The following GCNT4 variants were observed in gnomAD, a reference collection of about 807,000 sequenced individuals.
The protein encoded by GCNT4 is beta-1,3-galactosyl-O-glycosyl-glycoprotein beta-1,6-N-acetylglucosaminyltransferase 4.
In GCNT4, 17 loss-of-function variants were observed where a neutral mutation model predicts 31.3. That is an observed-to-expected ratio of 0.54 (90% CI 0.37 to 0.81). GCNT4 has a LOEUF of 0.81. GCNT4 is among the 40% of genes least tolerant of loss of function. The pLI is 0.00. For missense variants in GCNT4, 503 were observed against 525.5 expected (o/e 0.96, Z 0.42); for synonymous variants, 158 against 190.6 (o/e 0.83, Z 1.41).
At chr5:75,018,351 G>A in the GCNT4 span, among the ~76,000 whole-genome samples, 4 of 152,120 alleles carry the variant, frequency 2.6e-5, no homozygotes, top group African/African-American at 9.6e-5. Flanking sequence ...GCATGATCTC[G>A]GCTCACTGCA....
At chr5:75,034,960 A>C (rs1743162822) in intron 3 of GCNT4, among the ~76,000 whole-genome samples, 1 of 133,602 alleles carries the variant, frequency 7.5e-6, no homozygotes, top group Admixed American at 7.3e-5. Context: ...ACACGACCGC[A>C]TTCAGGGACA....
chr5:75,053,571 G>A (rs976322436), upstream of GCNT4, among the ~76,000 whole-genome samples: 1 of 152,086 alleles, frequency 6.6e-6, no homozygotes, highest in East Asian at 1.9e-4. Context: ...AGGCCGCCCC[G>A]GCGGGGGCCG....
rs1387445019 is a variant in GCNT4 at position 75,027,335 on chromosome 5, A to ATATGTATATATAATAGATATT, written c.*1340_*1341insAATATCTATTATATATACATA. The ATATGTATATATAATAGATATT allele has an allele frequency of 2.0e-5, 1 of 50,464 alleles. No individual in the cohort carries two copies. The highest frequency in any genetic ancestry group is 7.5e-5 in the African/African-American group (1 of 13,372). 3.1% of individuals were successfully genotyped at this position (50,464 alleles called of 1,614,324 possible). ...ATGTATATATAATATATATTCATATACAATATATGTATATATAATATATAT... is the reference window on the plus strand; with the variant it reads ...ATGTATATATAATATATATTCATATATATGTATATATAATAGATATTCAATATATGTATATATAATATATAT... On this transcript the variant is annotated 3_prime_UTR_variant, in exon 4 of 4. Coordinates refer to ENST00000652361, the MANE Select transcript of GCNT4 (RefSeq NM_001366737.1).
chr5:75,039,527 A>G (rs1743272434), intron 3 of GCNT4, among the ~76,000 whole-genome samples: 1 of 152,236 alleles, frequency 6.6e-6, no homozygotes. Context: ...AACTTACCTT[A>G]GTTCATATAG....
rs1742930562 is a variant in GCNT4, at chr5:75,025,383, G to C, written c.*3293C>G. 1 of 152,152 alleles carries C rather than the reference G, an allele frequency of 6.6e-6. No individual in the cohort carries two copies. Among genetic ancestry groups the C allele is most frequent in the Non-Finnish European group, 1.5e-5 (1 of 68,034 alleles). 9.4% of individuals were successfully genotyped at this position (152,152 alleles called of 1,614,324 possible). A position where few individuals can be genotyped will look rare whatever the true frequency, so the allele number is the denominator to read the frequency against. ...GAGCACATTTTATTTTACAATACCA[G>C]AGAATCAACATCTAGTAGTAGCATA... On this transcript the variant is annotated 3_prime_UTR_variant, in exon 4 of 4. Transcript: ENST00000652361.
downstream of GCNT4, chr5:75,025,200 T>C (rs896773807): frequency 6.6e-6 from 1 of 152,214 alleles, no homozygotes; most frequent in Non-Finnish European, 1.5e-5. Flanking sequence ...TGTGCCTATA[T>C]TGTGTATAAT....
intron 2 of GCNT4, among the ~76,000 whole-genome samples, chr5:75,049,557 T>G (rs967710430): frequency 2.6e-5 from 4 of 152,168 alleles, no homozygotes; most frequent in African/African-American, 9.7e-5. Context: ...ACTAGGAAAA[T>G]TACAAGCATA....
chr5:75,029,402 G>A lies in GCNT4; in HGVS notation c.636C>T (p.Asp212=), dbSNP rs1743012363. The A allele has an allele frequency of 1.2e-6, 2 of 1,614,160 alleles. No individual in the cohort carries two copies. The highest frequency in any genetic ancestry group is 2.2e-5 in the South Asian group (2 of 91,078). ...TCCACTGGATTGAAGACTTCAGAAG[G>A]TCCGACAAGCAATTTAAATCAGCCT... is the stretch of plus-strand genomic sequence containing the variant. ...RLQADLNCLS[D]LLKSSIQWKY... is the part of the protein sequence containing the mutation. Residue 212 remains aspartate, a synonymous_variant, in exon 4 of 4, where the codon GAC becomes GAT. Transcript: ENST00000652361.
Position 75,029,310 on chromosome 5 carries a change from A to AATGG in GCNT4, c.727_728insCCAT (p.Leu243SerfsTer20). On this transcript the variant is annotated frameshift_variant, in exon 4 of 4. Transcript: ENST00000652361. LOFTEE classifies it high-confidence loss of function. ...CATATTTGCTCCATTGAGTTTTTTC[A>AATGG]ACTCTGACACCAATTCAAAATTTGA... 1 of 1,614,070 alleles carries AATGG rather than the reference A, an allele frequency of 6.2e-7. No homozygotes were observed. The highest frequency in any genetic ancestry group is 1.3e-5 in the African/African-American group (1 of 75,038).
chr5:75,053,970 C>T (rs1353058578), upstream of GCNT4, among the ~76,000 whole-genome samples: 2 of 152,116 alleles, frequency 1.3e-5, no homozygotes, highest in Non-Finnish European at 2.9e-5. Flanking sequence ...CTTTTTTCTC[C>T]TTGAACGCCG....
Position 75,028,881 on chromosome 5 carries a change from T to A in GCNT4, c.1157A>T (p.His386Leu). ...GFFYPSCTGS[H>L]LRSVCIYGAA... ...TCCATAAATACACACGCTTCGAAGGTGAGATCCAGTACAACTGGGATAGAA... is the reference window on the plus strand; with the variant it reads ...TCCATAAATACACACGCTTCGAAGGAGAGATCCAGTACAACTGGGATAGAA... The change falls in exon 4 of 4, where the codon CAC becomes CTC. Residue 386 changes from histidine to leucine, a missense_variant. By Grantham distance (99) the His-to-Leu change is moderately conservative (BLOSUM62 -3). Transcript: ENST00000652361. 1.9e-6 allele frequency: 3 copies of A among 1,613,998 alleles called. No individual in the cohort carries two copies. Among genetic ancestry groups the A allele is most frequent in the Non-Finnish European group, 2.5e-6 (3 of 1,179,976 alleles).
intron 3 of GCNT4, among the ~76,000 whole-genome samples, chr5:75,031,286 G>A (rs1004069509): frequency 1.3e-5 from 2 of 152,114 alleles, no homozygotes; most frequent in African/African-American, 4.8e-5. Context: ...TGCCCAGGCT[G>A]GTCGTGAACA....
chr5:75,047,190 T>C (rs1743461040), intron 3 of GCNT4, among the ~76,000 whole-genome samples: 1 of 152,190 alleles, frequency 6.6e-6, no homozygotes, highest in African/African-American at 2.4e-5. Flanking sequence ...TTAAATAAAT[T>C]TGTGTGCTTG....
intron 3 of GCNT4, among the ~76,000 whole-genome samples, chr5:75,033,349 C>A (rs1483588278): frequency 1.3e-5 from 2 of 152,154 alleles, no homozygotes; most frequent in Non-Finnish European, 2.9e-5. Context: ...TAGAAGCTCA[C>A]AGGACATCCA....
In GCNT4 at chr5:75,027,925, A is replaced by G. The variant is rs971590194; in HGVS notation, c.*751T>C. ...AAACAGTTGAACTAAAAAGGAGGCC[A>G]TTCATGATACTGTTTTGTAACATGA... On this transcript the variant is annotated 3_prime_UTR_variant, in exon 4 of 4. Coordinates refer to ENST00000652361, the MANE Select transcript of GCNT4 (RefSeq NM_001366737.1). The G allele has an allele frequency of 6.8e-6, 1 of 146,096 alleles. No individual in the cohort carries two copies. Among genetic ancestry groups the G allele is most frequent in the African/African-American group, 2.8e-5 (1 of 35,348 alleles). The allele number at this position is 146,096 out of a possible 1,614,324, so 9.0% of individuals were successfully genotyped here. A position where few individuals can be genotyped will look rare whatever the true frequency, so the allele number is the denominator to read the frequency against.
Position 75,029,933 on chromosome 5 carries a change from T to A in GCNT4, c.105A>T (p.Arg35Ser), listed in dbSNP as rs1743026270. The change falls in exon 4 of 4, where the codon AGA becomes AGT. Residue 35 changes from arginine (R) to serine (S), a missense_variant. Physicochemically the swap from Arg to Ser is moderately radical, Grantham distance 110. Coordinates refer to ENST00000652361, the MANE Select transcript of GCNT4 (RefSeq NM_001366737.1). The stretch of plus-strand genomic sequence containing the variant: ...AAATGTCTTTTTGCGGAAAGAGTCG[T>A]CTCACATTTAGAAGCTTTAACAAAG... ...LLSLLKLLNV[R>S]RLFPQKDIYL... The A allele has an allele frequency of 6.2e-7, 1 of 1,614,148 alleles. No individual in the cohort carries two copies. Among genetic ancestry groups the A allele is most frequent in the Admixed American group, 1.7e-5 (1 of 60,028 alleles).
chr5:75,042,036 A>C (rs1030085324), intron 3 of GCNT4, among the ~76,000 whole-genome samples: 1 of 152,218 alleles, frequency 6.6e-6, no homozygotes, highest in Non-Finnish European at 1.5e-5. Context: ...TTGATGAAAA[A>C]GCTCACATGA....
At chr5:75,039,696 C>T (rs1743276879) in intron 3 of GCNT4, among the ~76,000 whole-genome samples, 1 of 152,086 alleles carries the variant, frequency 6.6e-6, no homozygotes, top group Non-Finnish European at 1.5e-5. Flanking sequence ...TCAAATCCAC[C>T]CACCTCTTTC....
At chr5:75,018,993 G>A in the GCNT4 span, among the ~76,000 whole-genome samples, 2 of 152,016 alleles carry the variant, frequency 1.3e-5, no homozygotes. Flanking sequence ...CCTCAATCCT[G>A]GCTTACTTTT....
Sources: gnomAD v4.1 joint callset for allele counts (sites outside exome capture counted in the v4.1 genomes callset) on GRCh38, gnomAD v4.1.1 for gene constraint, MANE v1.5 for transcripts, NCBI Gene and HGNC (gene_info 2026-07-23, HGNC 2026-07-21) for gene names.